The following GALNTL6 variants were observed in gnomAD, a reference collection of about 807,000 sequenced individuals.
The protein encoded by GALNTL6 is polypeptide N-acetylgalactosaminyltransferase-like 6.
Under a neutral mutation model 73.7 loss-of-function variants are expected in GALNTL6, and 46 were observed. That is an observed-to-expected ratio of 0.62 (90% confidence interval 0.49 to 0.80). The LOEUF (loss-of-function observed/expected upper bound fraction) is 0.80. Among genes scored for constraint, GALNTL6 ranks in the 30% least tolerant of loss-of-function variants. The pLI is 0.00. For synonymous variants in GALNTL6, 259 were observed against 263.7 expected (o/e 0.98, Z 0.17); for missense variants, 604 against 755.0 (o/e 0.80, Z 2.34).
intron 2 of GALNTL6, among the ~76,000 whole-genome samples, chr4:171,864,663 A>T (rs183863660): frequency 6.6e-6 from 1 of 152,244 alleles, no homozygotes; most frequent in African/African-American, 2.4e-5. Flanking sequence ...TTTTTAAGAG[A>T]TGCAATATTT....
At chr4:171,924,408 CA>C (rs1217417751) in intron 2 of GALNTL6, among the ~76,000 whole-genome samples, 1 of 152,020 alleles carries the variant, frequency 6.6e-6, no homozygotes, top group East Asian at 1.9e-4. Context: ...AGGCAAAATG[CA>C]AAAACTTTGT....
intron 2 of GALNTL6, 102 bp downstream of exon 2, chr4:171,814,820 C>G (rs1734480105): frequency 8.7e-7 from 1 of 1,146,458 alleles, no homozygotes. Flanking sequence ...GGTTTTCCCC[C>G]AAGTCTTGAC....
intron 7 of GALNTL6, among the ~76,000 whole-genome samples, chr4:172,830,023 C>T (rs1032001404): frequency 6.6e-6 from 1 of 151,850 alleles, no homozygotes; most frequent in African/African-American, 2.4e-5. Flanking sequence ...TAAATTCCAC[C>T]GAAAGCCTAT....
intron 5 of GALNTL6, among the ~76,000 whole-genome samples, chr4:172,619,822 G>A (rs187293021): frequency 2.6e-5 from 4 of 152,222 alleles, no homozygotes; most frequent in Non-Finnish European, 5.9e-5. Context: ...AGCCACATGA[G>A]TTTCACCTTT....
chr4:172,877,603 GTAAAC>G (rs1304619210), intron 7 of GALNTL6, among the ~76,000 whole-genome samples: 4 of 151,806 alleles, frequency 2.6e-5, no homozygotes, highest in Admixed American at 2.0e-4. Context: ...CTATAGAAAA[GTAAAC>G]TAGTCTACCA....
intron 2 of GALNTL6, among the ~76,000 whole-genome samples, chr4:172,076,018 C>G (rs1474461377): frequency 1.3e-5 from 2 of 152,122 alleles, no homozygotes; most frequent in Non-Finnish European, 2.9e-5. Flanking sequence ...GTCTCTTTTG[C>G]AGAGAGGCAT....
chr4:173,023,869 G>T (rs1231482017), intron 12 of GALNTL6, among the ~76,000 whole-genome samples: 1 of 151,834 alleles, frequency 6.6e-6, no homozygotes, highest in Non-Finnish European at 1.5e-5. Context: ...GCCTGTGTGT[G>T]GTGCAATAAA....
chr4:173,005,059 C>T (rs1752212914), intron 10 of GALNTL6, among the ~76,000 whole-genome samples: 1 of 151,798 alleles, frequency 6.6e-6, no homozygotes, highest in Non-Finnish European at 1.5e-5. Context: ...CATTCCCCTT[C>T]TCTTGTACCT....
intron 2 of GALNTL6, 75 bp downstream of exon 2, chr4:171,814,793 G>C: frequency 6.7e-7 from 1 of 1,488,606 alleles, no homozygotes; most frequent in Non-Finnish European, 9.3e-7. Flanking sequence ...CGAGAAAGCC[G>C]GTGTGGGATC....
rs540621538 is a variant in GALNTL6, at chr4:172,504,016, G to A, written c.553+155327G>A. On this transcript the variant is annotated intron_variant, in intron 5 of 12. Coordinates refer to ENST00000506823, the MANE Select transcript of GALNTL6 (RefSeq NM_001034845.3). ...AAAATACAAAAATTAGCTTGGCATG[G>A]TGGTGCGTGCCTGTAATCCCAGCTA... Among the ~76,000 whole-genome samples, 8 of 49,258 alleles carry A rather than the reference G, an allele frequency of 1.6e-4. 4 individuals carry two copies. The highest frequency in any genetic ancestry group is 3.6e-4 in the Non-Finnish European group (8 of 22,078). The allele number at this position is 49,258 out of a possible 152,430, so 32.3% of individuals were successfully genotyped here.
intron 5 of GALNTL6, among the ~76,000 whole-genome samples, chr4:172,554,777 A>G (rs1736083949): frequency 6.6e-6 from 1 of 152,128 alleles, no homozygotes; most frequent in African/African-American, 2.4e-5. Flanking sequence ...ATACAAATCC[A>G]TTGTATGGAC....
intron 5 of GALNTL6, among the ~76,000 whole-genome samples, chr4:172,581,292 A>G (rs72704855): frequency 0.064 from 9,738 of 152,264 alleles, 432 homozygotes; most frequent in Non-Finnish European, 0.1. Context: ...CATGCATACT[A>G]AGTCCATTCT....
At chr4:172,419,537 T>C (rs1479461171) in intron 5 of GALNTL6, among the ~76,000 whole-genome samples, 1 of 152,200 alleles carries the variant, frequency 6.6e-6, no homozygotes, top group African/African-American at 2.4e-5. Context: ...GCTCATTTTT[T>C]ACAATAATAT....
chr4:171,921,798 A>C (rs1737796539), intron 2 of GALNTL6, among the ~76,000 whole-genome samples: 1 of 152,062 alleles, frequency 6.6e-6, no homozygotes, highest in Non-Finnish European at 1.5e-5. Context: ...TTACTAATTC[A>C]CCTAGTGCAA....
intron 5 of GALNTL6, among the ~76,000 whole-genome samples, chr4:172,635,890 A>G (rs557867246): frequency 6.6e-6 from 1 of 152,332 alleles, no homozygotes; most frequent in South Asian, 2.1e-4. Flanking sequence ...CCACTAAACC[A>G]TATGATAATT....
intron 5 of GALNTL6, among the ~76,000 whole-genome samples, chr4:172,356,005 T>C (rs1352790846): frequency 6.6e-6 from 1 of 152,190 alleles, no homozygotes; most frequent in Admixed American, 6.5e-5. Context: ...AAGCATCAGG[T>C]GTTGGATAAG....
intron 5 of GALNTL6, among the ~76,000 whole-genome samples, chr4:172,569,902 CAGAA>C (rs1004591294): frequency 6.6e-6 from 1 of 152,088 alleles, no homozygotes; most frequent in Admixed American, 6.5e-5. Flanking sequence ...CAGATTTAAA[CAGAA>C]AGGGGCCGTG....
At chr4:172,095,737 G>A (rs1438106223) in intron 2 of GALNTL6, among the ~76,000 whole-genome samples, 1 of 152,082 alleles carries the variant, frequency 6.6e-6, no homozygotes, top group Non-Finnish European at 1.5e-5. Context: ...CACTCATGGT[G>A]GGAAGATCAT....
At position 173,040,236 on chromosome 4, in the gene GALNTL6, AAGT is replaced by A. The variant is rs1753850986; in HGVS notation, c.*139_*141del. ...TTAAAAATTTGCAAATGCCATGTCA[AAGT>A]AGGTTGTTTTGAAGAACTTCCTGCA... On this transcript the variant is annotated 3_prime_UTR_variant, in exon 13 of 13. Coordinates refer to ENST00000506823, the MANE Select transcript of GALNTL6 (RefSeq NM_001034845.3). 2 of 600,150 alleles carry A rather than the reference AAGT, an allele frequency of 3.3e-6. No homozygotes were observed. The highest frequency in any genetic ancestry group is 6.9e-5 in the Admixed American group (2 of 28,870). The allele number at this position is 600,150 out of a possible 1,614,324, so 37.2% of individuals were successfully genotyped here. A position where few individuals can be genotyped will look rare whatever the true frequency, so the allele number is the denominator to read the frequency against.
Sources: allele counts gnomAD v4.1 joint callset (sites outside exome capture counted in the v4.1 genomes callset), GRCh38; gene constraint gnomAD v4.1.1; transcripts MANE v1.5; gene names NCBI Gene and HGNC (gene_info 2026-07-23, HGNC 2026-07-21).